Variants in CYP4X1 observed in about 807,000 individuals in gnomAD.
The protein encoded by CYP4X1 is cytochrome P450 family 4 subfamily X member 1.
Under a neutral mutation model 57.9 loss-of-function variants are expected in CYP4X1, and 44 were observed. The observed-to-expected ratio is 0.76, with a 90% CI of 0.60 to 0.98. CYP4X1 has a LOEUF of 0.98. Among genes scored for constraint, CYP4X1 ranks in the 50% least tolerant of loss-of-function variants. The pLI is 0.00. For missense variants in CYP4X1, 532 were observed against 623.9 expected (o/e 0.85, Z 1.57); for synonymous variants, 227 against 228.6 (o/e 0.99, Z 0.06).
the CYP4X1 span, among the ~76,000 whole-genome samples, chr1:47,006,137 T>G: frequency 6.6e-6 from 1 of 152,242 alleles, no homozygotes; most frequent in Non-Finnish European, 1.5e-5. Flanking sequence ...ATGTTTTACA[T>G]AAACTTTTTG....
At chr1:46,982,871 T>C in the CYP4X1 span, among the ~76,000 whole-genome samples, 1 of 152,190 alleles carries the variant, frequency 6.6e-6, no homozygotes, top group Admixed American at 6.5e-5. Context: ...TCAGGCTTTT[T>C]GTTACCTCCC....
chr1:46,980,463 C>T, the CYP4X1 span, among the ~76,000 whole-genome samples: 1 of 152,158 alleles, frequency 6.6e-6, no homozygotes, highest in East Asian at 1.9e-4. Context: ...AACCACTGCT[C>T]AATGAAATAA....
At chr1:46,973,308 G>A in the CYP4X1 span, among the ~76,000 whole-genome samples, 1 of 152,140 alleles carries the variant, frequency 6.6e-6, no homozygotes. Flanking sequence ...GCTTTTGGAT[G>A]TGCTGCTGGA....
the CYP4X1 span, among the ~76,000 whole-genome samples, chr1:46,996,957 G>A: frequency 2.0e-5 from 3 of 152,296 alleles, no homozygotes; most frequent in East Asian, 1.9e-4. Context: ...CTTGTTCAGC[G>A]TTTAGGCAAA....
intron 6 of CYP4X1, 72 bp from the exon 7 acceptor site, chr1:47,038,588 A>C (rs939189009): frequency 8.3e-7 from 1 of 1,199,216 alleles, no homozygotes; most frequent in Non-Finnish European, 1.2e-6. Context: ...GCTATTCACT[A>C]ACCATGGCTT....
downstream of CYP4X1, among the ~76,000 whole-genome samples, chr1:47,054,723 C>T (rs1427393284): frequency 6.6e-6 from 1 of 152,098 alleles, no homozygotes; most frequent in Non-Finnish European, 1.5e-5. Context: ...CTCTGTTTGT[C>T]TGTTATTGGT....
At chr1:46,985,702 C>T in the CYP4X1 span, among the ~76,000 whole-genome samples, 2 of 152,180 alleles carry the variant, frequency 1.3e-5, no homozygotes, top group Non-Finnish European at 1.5e-5. Context: ...TTCTGCAGCC[C>T]CCACTGGTGA....
Position 47,050,365 on chromosome 1 carries a change from T to G in CYP4X1, c.*191T>G. On this transcript the variant is annotated 3_prime_UTR_variant, in exon 12 of 12. Coordinates refer to ENST00000371901, the MANE Select transcript of CYP4X1 (RefSeq NM_178033.2). ...CAGCTAGATCTGTTTCTATATAACT[T>G]TGGGAGATTTTCAGATCTTTTCTGT... 1.8e-6 allele frequency: 1 copy of G among 567,656 alleles called. No homozygotes were observed. The highest frequency in any genetic ancestry group is 3.0e-6 in the Non-Finnish European group (1 of 328,436). 35.2% of individuals were successfully genotyped at this position (567,656 alleles called of 1,614,324 possible).
At chr1:47,011,483 A>G in the CYP4X1 span, among the ~76,000 whole-genome samples, 2 of 152,258 alleles carry the variant, frequency 1.3e-5, no homozygotes, top group Non-Finnish European at 2.9e-5. Context: ...AATACCATTC[A>G]GAACATAGGT....
At chr1:47,022,282 T>C (rs112142147), upstream of CYP4X1, among the ~76,000 whole-genome samples, 2,005 of 129,290 alleles carry the variant, frequency 0.016, 61 homozygotes, top group African/African-American at 0.046. Flanking sequence ...CTGGGGCCTG[T>C]CTTTTTTTTT....
the CYP4X1 span, among the ~76,000 whole-genome samples, chr1:46,989,312 GAAT>G: frequency 6.6e-6 from 1 of 152,006 alleles, no homozygotes; most frequent in African/African-American, 2.4e-5. Context: ...GCCACAGAGA[GAAT>G]AAAATACCTA....
At chr1:46,985,625 G>A in the CYP4X1 span, among the ~76,000 whole-genome samples, 2 of 152,150 alleles carry the variant, frequency 1.3e-5, no homozygotes, top group African/African-American at 4.8e-5. Flanking sequence ...GCTCCGGCTG[G>A]CATCTGGTGG....
chr1:46,962,979 T>C, the CYP4X1 span, among the ~76,000 whole-genome samples: 3 of 152,254 alleles, frequency 2.0e-5, no homozygotes, highest in Non-Finnish European at 1.5e-5. Context: ...GCTCTTCTTG[T>C]TGAATTGATC....
At chr1:47,021,253 T>A (rs1370274718), upstream of CYP4X1, among the ~76,000 whole-genome samples, 2 of 148,662 alleles carry the variant, frequency 1.3e-5, no homozygotes, top group Non-Finnish European at 3.0e-5. Flanking sequence ...TTGGCCAGAA[T>A]AAATAATTTT....
the CYP4X1 span, among the ~76,000 whole-genome samples, chr1:47,004,183 G>A: frequency 2.0e-5 from 3 of 151,954 alleles, no homozygotes; most frequent in Non-Finnish European, 4.4e-5. Flanking sequence ...ATTCTGTAAC[G>A]GGGCTCTTGA....
rs1331674091 is a variant in CYP4X1, at chr1:47,038,749, A to G, written c.865A>G (p.Ile289Val). ...GAGGAAGTACCAGGATTTTCTGGAT[A>G]TTGTCCTTTCTGCCAAGGTAAATCT... ...PKRKYQDFLD[I>V]VLSAKDESGS... is the part of the protein sequence containing the mutation. Residue 289 changes from isoleucine to valine, a missense_variant, in exon 7 of 12, where the codon ATT (isoleucine) becomes GTT (valine). Coordinates refer to ENST00000371901, the MANE Select transcript of CYP4X1 (RefSeq NM_178033.2). 1 of 1,609,844 alleles carries G rather than the reference A, an allele frequency of 6.2e-7. No homozygotes were observed. The highest frequency in any genetic ancestry group is 1.7e-5 in the Admixed American group (1 of 59,518).
At chr1:47,005,773 T>C in the CYP4X1 span, among the ~76,000 whole-genome samples, 1 of 152,270 alleles carries the variant, frequency 6.6e-6, no homozygotes, top group Non-Finnish European at 1.5e-5. Context: ...ACATTTTGTC[T>C]GAATTTTATA....
chr1:47,024,093 TG>T, intron 1 of CYP4X1, 99 bp downstream of exon 1: 1 of 1,430,416 alleles, frequency 7.0e-7, no homozygotes, highest in Non-Finnish European at 9.4e-7. Flanking sequence ...CTTCCATCCC[TG>T]GGGACCCTCC....
intron 9 of CYP4X1, 51 bp from the exon 10 acceptor site, chr1:47,048,514 C>G: frequency 6.3e-7 from 1 of 1,589,902 alleles, no homozygotes; most frequent in Non-Finnish European, 8.6e-7. Context: ...GCACAGTAGC[C>G]CACAACTTGC....
Sources: allele counts gnomAD v4.1 joint callset (sites outside exome capture counted in the v4.1 genomes callset), GRCh38; gene constraint gnomAD v4.1.1; transcripts MANE v1.5; gene names NCBI Gene and HGNC (gene_info 2026-07-23, HGNC 2026-07-21).